The following THSD7A variants were observed in gnomAD, a reference collection of about 807,000 sequenced individuals.
THSD7A encodes the protein thrombospondin type 1 domain containing 7A.
Under a neutral mutation model 231.3 loss-of-function variants are expected in THSD7A, and 96 were observed. The ratio of observed to expected loss-of-function variants is 0.41; its 90% CI spans 0.35 to 0.49. The LOEUF is 0.49. Among genes scored for constraint, THSD7A ranks in the 20% least tolerant of loss-of-function variants. The pLI is 0.05. For synonymous variants in THSD7A, 940 were observed against 743.3 expected (o/e 1.26, Z -4.30); for missense variants, 2,290 against 2,070.2 (o/e 1.11, Z -2.06).
At chr7:11,388,385 T>G (rs138394500) in intron 23 of THSD7A, among the ~76,000 whole-genome samples, 2 of 152,222 alleles carry the variant, frequency 1.3e-5, no homozygotes, top group African/African-American at 4.8e-5. Context: ...TGTCGTCTAT[T>G]CAGGGATTCG....
intron 11 of THSD7A, among the ~76,000 whole-genome samples, chr7:11,449,811 C>T (rs1785087530): frequency 6.6e-6 from 1 of 151,822 alleles, no homozygotes; most frequent in Non-Finnish European, 1.5e-5. Context: ...GACAAAGTTG[C>T]CCCAAGGATG....
chr7:11,400,060 G>A (rs1783341334), intron 23 of THSD7A, among the ~76,000 whole-genome samples: 1 of 150,814 alleles, frequency 6.6e-6, no homozygotes, highest in African/African-American at 2.4e-5. Context: ...CTATGGCAAG[G>A]ACGAAAAACC....
chr7:11,531,528 A>G (rs957969665), intron 6 of THSD7A, among the ~76,000 whole-genome samples: 1 of 152,158 alleles, frequency 6.6e-6, no homozygotes, highest in Non-Finnish European at 1.5e-5. Context: ...AAATAGTCCA[A>G]GCATTTTCTA....
chr7:11,644,715 G>A (rs1329404704), intron 1 of THSD7A, among the ~76,000 whole-genome samples: 3 of 151,950 alleles, frequency 2.0e-5, no homozygotes, highest in Non-Finnish European at 4.4e-5. Context: ...ATTTTACAAT[G>A]CTAAACACAA....
chr7:11,603,644 A>T (rs1174582639), intron 2 of THSD7A, among the ~76,000 whole-genome samples: 139 of 151,806 alleles, frequency 9.2e-4, no homozygotes, highest in African/African-American at 3.3e-3. Context: ...TCCAACAATG[A>T]TAGACTGGAT....
intron 1 of THSD7A, among the ~76,000 whole-genome samples, chr7:11,670,749 A>G (rs774389286): frequency 3.3e-5 from 5 of 152,166 alleles, no homozygotes; most frequent in African/African-American, 1.2e-4. Flanking sequence ...TTATAAATCT[A>G]TTCAAAGATC....
intron 4 of THSD7A, among the ~76,000 whole-genome samples, chr7:11,555,648 G>A (rs1018679235): frequency 1.3e-5 from 2 of 151,790 alleles, no homozygotes; most frequent in Non-Finnish European, 2.9e-5. Context: ...AGTGTTGGGA[G>A]TAAGGTATTG....
intron 4 of THSD7A, among the ~76,000 whole-genome samples, chr7:11,576,895 A>T (rs1790934048): frequency 6.6e-6 from 1 of 152,182 alleles, no homozygotes; most frequent in African/African-American, 2.4e-5. Context: ...GATGATTTTG[A>T]TAAACTTGTA....
chr7:11,605,277 A>C, intron 2 of THSD7A, among the ~76,000 whole-genome samples: 1 of 152,168 alleles, frequency 6.6e-6, no homozygotes. Flanking sequence ...GAAAAAAACA[A>C]ATGATGGTTG....
At chr7:11,723,253 A>G (rs1001905215) in intron 1 of THSD7A, among the ~76,000 whole-genome samples, 2 of 148,882 alleles carry the variant, frequency 1.3e-5, no homozygotes, top group African/African-American at 4.9e-5. Flanking sequence ...CATGTCCTCA[A>G]TCATAGGTGG....
intron 6 of THSD7A, among the ~76,000 whole-genome samples, chr7:11,539,763 C>T (rs1019326625): frequency 6.6e-6 from 1 of 152,104 alleles, no homozygotes; most frequent in Non-Finnish European, 1.5e-5. Context: ...ACTAAGTGGA[C>T]TAAATCTGAT....
At chr7:11,520,848 G>C (rs80313992) in intron 6 of THSD7A, among the ~76,000 whole-genome samples, 1,888 of 152,174 alleles carry the variant, frequency 0.012, 44 homozygotes, top group African/African-American at 0.043. Flanking sequence ...TGTCATTTTG[G>C]CATAAGAGAA....
At chr7:11,731,183 G>T (rs981021678) in intron 1 of THSD7A, among the ~76,000 whole-genome samples, 15 of 150,952 alleles carry the variant, frequency 9.9e-5, no homozygotes, top group Non-Finnish European at 1.9e-4. Flanking sequence ...ATTTCCTTAT[G>T]CTATATAGTG....
chr7:11,762,382 T>G (rs1782892930), intron 1 of THSD7A, among the ~76,000 whole-genome samples: 1 of 152,120 alleles, frequency 6.6e-6, no homozygotes, highest in Non-Finnish European at 1.5e-5. Flanking sequence ...TCCTTTCTTA[T>G]TCATCCTAGC....
At chr7:11,510,811 C>A (rs1331222411) in intron 6 of THSD7A, among the ~76,000 whole-genome samples, 1 of 151,974 alleles carries the variant, frequency 6.6e-6, no homozygotes. Context: ...GACCCACAGC[C>A]AATATGGGTC....
intron 11 of THSD7A, among the ~76,000 whole-genome samples, chr7:11,458,687 A>C (rs1785393694): frequency 3.3e-5 from 5 of 152,148 alleles, no homozygotes; most frequent in Admixed American, 3.3e-4. Flanking sequence ...AAGATGCTAA[A>C]GACCCTTTTA....
At chr7:11,737,806 T>C (rs553374471) in intron 1 of THSD7A, among the ~76,000 whole-genome samples, 21 of 152,126 alleles carry the variant, frequency 1.4e-4, no homozygotes, top group African/African-American at 5.1e-4. Context: ...TCCAAACAAT[T>C]CAAGTTCTAT....
Position 11,375,695 on chromosome 7 carries a change from T to C in THSD7A, c.*99A>G, listed in dbSNP as rs1782241049. 3.1e-6 allele frequency: 3 copies of C among 983,212 alleles called. No homozygotes were observed. Among genetic ancestry groups the C allele is most frequent in the Middle Eastern group, 2.1e-4 (1 of 4,722 alleles). 60.9% of individuals were successfully genotyped at this position (983,212 alleles called of 1,614,324 possible). On this transcript the variant is annotated 3_prime_UTR_variant, in exon 28 of 28. Coordinates refer to ENST00000423059, the MANE Select transcript of THSD7A (RefSeq NM_015204.3). ...ATGATGCCATTTTTAAAAATTAAAA[T>C]ATATTTTAATCCACACAGTTTGGAT...
intron 13 of THSD7A, among the ~76,000 whole-genome samples, chr7:11,437,683 G>T (rs1008661800): frequency 6.6e-6 from 1 of 151,980 alleles, no homozygotes; most frequent in African/African-American, 2.4e-5. Context: ...TCTATTTATT[G>T]CTTTTTCTGC....
Sources: gnomAD v4.1 joint callset for allele counts (sites outside exome capture counted in the v4.1 genomes callset) on GRCh38, gnomAD v4.1.1 for gene constraint, MANE v1.5 for transcripts, NCBI Gene and HGNC (gene_info 2026-07-23, HGNC 2026-07-21) for gene names.